Variants in PCNX3 observed in about 807,000 individuals in gnomAD.
The protein encoded by PCNX3 is pecanex 3.
PCNX3 carries 58 observed loss-of-function variants against 207.2 expected under a neutral mutation model. That is an observed-to-expected ratio of 0.28 (90% CI 0.23 to 0.35). PCNX3 has a LOEUF of 0.35. Ranked by LOEUF, PCNX3 falls within the 10% of genes least tolerant of loss-of-function variation. The probability of loss-of-function intolerance (pLI) is 1.00; values close to 1 mark genes in which losing one functional copy is unlikely to be tolerated. For synonymous variants in PCNX3, 1,337 were observed against 1,183.5 expected (o/e 1.13, Z -2.66); for missense variants, 2,410 against 2,774.4 (o/e 0.87, Z 2.95).
Position 65,622,268 on chromosome 11 carries a change from G to T in PCNX3, c.2259G>T (p.Ala753=), listed in dbSNP as rs375228648. ...AGGAGCAGACACTGATGGAAGAAGC[G>T]CCACCCCGGGCCCAGCATAGTTACA... is the stretch of plus-strand genomic sequence containing the variant. ...IPEEQTLMEE[A]PPRAQHSYKY... Residue 753 remains alanine (A), a synonymous_variant, in exon 11 of 35, where the codon GCG becomes GCT. Transcript: ENST00000355703. 1.2e-6 allele frequency: 2 copies of T among 1,602,020 alleles called. No individual in the cohort carries two copies. Among genetic ancestry groups the T allele is most frequent in the South Asian group, 2.3e-5 (2 of 88,722 alleles).
In PCNX3 at chr11:65,622,892, G is replaced by A. The variant is rs138136855; in HGVS notation, c.2357+526G>A. Among the ~76,000 whole-genome samples, 107 of 152,246 alleles carry A rather than the reference G, an allele frequency of 7.0e-4. No individual in the cohort carries two copies. The East Asian group carries it at 0.012, about 16-fold the overall frequency. ...GCTGGGATTACAGGCGTGAGCTACC[G>A]CGCCCGGCCATCCTATTCACTTTTT... On this transcript the variant is annotated intron_variant, in intron 11 of 34. Transcript: ENST00000355703.
In PCNX3 at chr11:65,623,548, C is replaced by T. The variant is rs769920366; in HGVS notation, c.2415C>T (p.Phe805=). 1.9e-6 allele frequency: 3 copies of T among 1,613,904 alleles called. No homozygotes were observed. Among genetic ancestry groups the T allele is most frequent in the Non-Finnish European group, 2.5e-6 (3 of 1,179,834 alleles). Residue 805 remains phenylalanine (F), a synonymous_variant, in exon 12 of 35, where the codon TTC becomes TTT. Transcript: ENST00000355703. ...FGVGLSSLVA[F]LGYLLLLKGF... ...TGGGCCTGAGCAGCCTTGTGGCCTT[C>T]CTGGGCTACCTGCTGCTGCTCAAGG...
chr11:65,622,288 G>T lies in PCNX3; in HGVS notation c.2279G>T (p.Ser760Ile), dbSNP rs774873708. Residue 760 changes from serine to isoleucine, a missense_variant, in exon 11 of 35, where the codon AGT becomes ATT. Coordinates refer to ENST00000355703, the MANE Select transcript of PCNX3 (RefSeq NM_032223.4). ...MEEAPPRAQH[S>I]YKYWLLPGRW... ...GAAGCGCCACCCCGGGCCCAGCATAGTTACAAGTACTGGCTTCTCCCTGGC... is the reference window on the plus strand; with the variant it reads ...GAAGCGCCACCCCGGGCCCAGCATATTTACAAGTACTGGCTTCTCCCTGGC... 4.4e-6 allele frequency: 7 copies of T among 1,601,470 alleles called. No individual in the cohort carries two copies. The African/African-American group carries it at 9.4e-5, about 21-fold the overall frequency.
At position 65,618,799 on chromosome 11, in the gene PCNX3, T is replaced by C; in HGVS notation, c.1437T>C (p.Ala479=). The C allele has an allele frequency of 1.2e-6, 2 of 1,611,528 alleles. No homozygotes were observed. Among genetic ancestry groups the C allele is most frequent in the Non-Finnish European group, 1.7e-6 (2 of 1,179,398 alleles). The change falls in exon 6 of 35, where the codon GCT becomes GCC. Residue 479 remains alanine, a synonymous_variant. Transcript: ENST00000355703. ...RAPHGAEEGT[A]VPPKRPYGTQ... ...CCCATGGGGCTGAGGAGGGAACTGC[T>C]GTGCCCCCCAAGCGGCCATATGGGA...
rs1590870869 is a variant in PCNX3, at chr11:65,618,747, C to T, written c.1385C>T (p.Ala462Val). 6.2e-7 allele frequency: 1 copy of T among 1,612,076 alleles called. No individual in the cohort carries two copies. Among genetic ancestry groups the T allele is most frequent in the Middle Eastern group, 1.6e-4 (1 of 6,062 alleles). ...TCCCCTGAGAGCTCCCGGGGTGCAG[C>T]AGGGGGACCCCGGAAGCGGAGGGCC... is the stretch of plus-strand genomic sequence containing the variant. ...CYSPESSRGA[A>V]GGPRKRRAPH... Residue 462 changes from alanine (A) to valine (V), a missense_variant, in exon 6 of 35, where the codon GCA becomes GTA. By Grantham distance (64) the Ala-to-Val change is moderately conservative (BLOSUM62 0). Coordinates refer to ENST00000355703, the MANE Select transcript of PCNX3 (RefSeq NM_032223.4).
chr11:65,619,802 G>T lies in PCNX3; in HGVS notation c.1878G>T (p.Ala626=). The T allele has an allele frequency of 6.3e-7, 1 of 1,592,056 alleles. No individual in the cohort carries two copies. The highest frequency in any genetic ancestry group is 1.1e-5 in the South Asian group (1 of 88,976). The change falls in exon 8 of 35, where the codon GCG becomes GCT. Residue 626 remains alanine (A), a synonymous_variant. Coordinates refer to ENST00000355703, the MANE Select transcript of PCNX3 (RefSeq NM_032223.4). ...QRGRAASHSR[A]LTLPSALHFA... is the part of the protein sequence containing the mutation. ...GCCGGGCTGCCTCCCACTCCCGGGCGCTGACGCTGCCCTCTGCGCTGCATT... is the reference window on the plus strand; with the variant it reads ...GCCGGGCTGCCTCCCACTCCCGGGCTCTGACGCTGCCCTCTGCGCTGCATT...
rs1172880644 is a variant in PCNX3 at position 65,634,349 on chromosome 11, G to A, written c.4694G>A (p.Arg1565His). ...LEWIQYCASR[R>H]SQPVDQDWNS... ...TGGATCCAGTACTGCGCCTCCCGGC[G>A]CAGCCAGGTCAGGCTCCACTACCTG... Residue 1565 changes from arginine (R) to histidine (H), a missense_variant, in exon 28 of 35, where the codon CGC becomes CAC. Transcript: ENST00000355703. The A allele has an allele frequency of 3.2e-6, 5 of 1,583,010 alleles. No individual in the cohort carries two copies. The highest frequency in any genetic ancestry group is 2.7e-5 in the African/African-American group (2 of 74,256).
intron 2 of PCNX3, 67 bp downstream of exon 2, chr11:65,617,078 T>C (rs1854775811): frequency 6.7e-7 from 1 of 1,489,352 alleles, no homozygotes; most frequent in African/African-American, 1.4e-5. Context: ...CCTTGCAGGG[T>C]GGAGTAGGGG....
At chr11:65,624,678 C>A in intron 15 of PCNX3, 97 bp downstream of exon 15, 1 of 1,167,060 alleles carries the variant, frequency 8.6e-7, no homozygotes. Context: ...GGAACCTTCT[C>A]CTGCGTCTGT....
chr11:65,616,631 C>T (rs1232032711), intron 1 of PCNX3, among the ~76,000 whole-genome samples, 167 bp downstream of exon 1: 2 of 152,166 alleles, frequency 1.3e-5, no homozygotes, highest in South Asian at 2.1e-4. Flanking sequence ...ATCGAGTGAC[C>T]TTGAACCCTA....
rs1226028771 is a variant in PCNX3, at chr11:65,617,321, A to C, written c.413A>C (p.His138Pro). 6.2e-7 allele frequency: 1 copy of C among 1,610,018 alleles called. No individual in the cohort carries two copies. Among genetic ancestry groups the C allele is most frequent in the Non-Finnish European group, 8.5e-7 (1 of 1,178,936 alleles). Residue 138 changes from histidine to proline, a missense_variant, in exon 3 of 35, where the codon CAC becomes CCC. By Grantham distance (77) the His-to-Pro change is moderately conservative. Transcript: ENST00000355703. ...CCCCCGGTGCGCTGCAGCTCCCAGC[A>C]CTCTGTGTTTGGCTTCAACCAGGTC... The part of the protein sequence containing the change: ...STPPVRCSSQ[H>P]SVFGFNQVSE...
At chr11:65,619,168 C>G (rs966120976) in intron 6 of PCNX3, 101 bp downstream of exon 6, 11 of 1,015,864 alleles carry the variant, frequency 1.1e-5, no homozygotes, top group African/African-American at 1.6e-5. Context: ...GTCAGCTCAG[C>G]CTCGGTTGTA....
At chr11:65,622,555 G>A (rs1310276812) in intron 11 of PCNX3, among the ~76,000 whole-genome samples, 189 bp downstream of exon 11, 1 of 152,204 alleles carries the variant, frequency 6.6e-6, no homozygotes, top group African/African-American at 2.4e-5. Context: ...GGGTGGCCAA[G>A]TGGGTGGTGC....
chr11:65,625,263 C>T lies in PCNX3; in HGVS notation c.3012C>T (p.Ser1004=), dbSNP rs371547184. Residue 1004 remains serine (S), a synonymous_variant, in exon 17 of 35, where the codon AGC becomes AGT. Coordinates refer to ENST00000355703, the MANE Select transcript of PCNX3 (RefSeq NM_032223.4). This position sits in a 1 kb window ranked among gnomAD's most constrained non-coding sequence, Gnocchi z 5.6. ...CCTACCACCTGAGCCGGCAGAGCAG[C>T]GACCCCACCGTGCTCTGGTGGGTGT... The part of the protein sequence containing the change: ...ALSYHLSRQS[S]DPTVLWSLIR... The T allele has an allele frequency of 6.1e-5, 98 of 1,608,996 alleles. 2 individuals are homozygous for T. Among genetic ancestry groups the T allele is most frequent in the Admixed American group, 2.3e-4 (14 of 59,952 alleles).
At chr11:65,619,499 C>A in intron 6 of PCNX3, 38 bp from the exon 7 acceptor site, 1 of 1,603,284 alleles carries the variant, frequency 6.2e-7, no homozygotes, top group Non-Finnish European at 8.5e-7. Context: ...CTTGTCTGAG[C>A]ATCTGTCACT....
Position 65,628,903 on chromosome 11 carries a change from T to C in PCNX3, c.3896T>C (p.Ile1299Thr). Residue 1299 changes from isoleucine (I) to threonine (T), a missense_variant, in exon 24 of 35, where the codon ATC becomes ACC. Coordinates refer to ENST00000355703, the MANE Select transcript of PCNX3 (RefSeq NM_032223.4). Reference protein sequence around the residue: ...LNPLLGSAVFIMSYARPLKFW... With the variant: ...LNPLLGSAVFTMSYARPLKFW... ...CCACTGCTAGGCAGTGCCGTCTTCA[T>C]CATGTCCTACGCTCGGCCCCTCAAG... 2.5e-6 allele frequency: 4 copies of C among 1,612,712 alleles called. No individual in the cohort carries two copies. Among genetic ancestry groups the C allele is most frequent in the Non-Finnish European group, 3.4e-6 (4 of 1,179,826 alleles).
At position 65,628,665 on chromosome 11, in the gene PCNX3, C is replaced by T. The variant is rs1474441862; in HGVS notation, c.3773C>T (p.Ser1258Leu). The T allele has an allele frequency of 1.2e-6, 2 of 1,609,448 alleles. No individual in the cohort carries two copies. The highest frequency in any genetic ancestry group is 1.7e-6 in the Non-Finnish European group (2 of 1,177,962). Residue 1258 changes from serine (S) to leucine (L), a missense_variant, in exon 23 of 35, where the codon TCG becomes TTG. Physicochemically the swap from Ser to Leu is moderately radical, Grantham distance 145. This residue lies in a region of PCNX3 where 420 missense variants were observed against 705.3 expected (regional missense o/e 0.60). Coordinates refer to ENST00000355703, the MANE Select transcript of PCNX3 (RefSeq NM_032223.4). ...YIAPWQITWG[S>L]AFHAFAQPFA... Reference sequence around the variant, plus strand: ...GCGCCCTGGCAGATCACCTGGGGCTCGGCTTTCCACGCTTTTGCCCAGCCG... The same window carrying T: ...GCGCCCTGGCAGATCACCTGGGGCTTGGCTTTCCACGCTTTTGCCCAGCCG...
chr11:65,626,515 T>C (rs1855399785), intron 20 of PCNX3: 1 of 404,428 alleles, frequency 2.5e-6, no homozygotes, highest in Non-Finnish European at 4.7e-6. Flanking sequence ...ACAGAAGATT[T>C]TGCTTCCCAG....
chr11:65,619,483 C>G (rs1262226320), intron 6 of PCNX3, 54 bp from the exon 7 acceptor site: 3 of 1,593,938 alleles, frequency 1.9e-6, no homozygotes, highest in Non-Finnish European at 2.6e-6. Flanking sequence ...ACCTTACTCC[C>G]CCAGCCTTGT....
Sources: gnomAD v4.1 joint callset for allele counts (sites outside exome capture counted in the v4.1 genomes callset) on GRCh38, gnomAD v4.1.1 for gene constraint, gnomAD v4.1.1 regional missense constraint, Gnocchi (gnomAD v3.1) non-coding constraint, MANE v1.5 for transcripts, NCBI Gene and HGNC (gene_info 2026-07-23, HGNC 2026-07-21) for gene names.